Variants in FRMD4A observed in about 807,000 individuals in gnomAD.
FRMD4A encodes FERM domain-containing protein 4A.
FRMD4A carries 29 observed loss-of-function variants against 129.1 expected under a neutral mutation model. That is an observed-to-expected ratio of 0.22 (90% CI 0.17 to 0.31). The LOEUF (loss-of-function observed/expected upper bound fraction) is 0.31. FRMD4A is among the 10% of genes least tolerant of loss of function. The pLI is 1.00. For missense variants in FRMD4A, 1,272 were observed against 1,375.8 expected, an observed-to-expected ratio of 0.92 and a Z score of 1.19; for synonymous variants, 634 against 571.6, an observed-to-expected ratio of 1.11 and a Z score of -1.56.
intron 2 of FRMD4A, among the ~76,000 whole-genome samples, chr10:14,243,831 TA>T (rs11447138): frequency 1.1e-4 from 16 of 148,034 alleles, no homozygotes; most frequent in African/African-American, 3.0e-4. Context: ...TTACCACAAT[TA>T]AAAAAAAAAA....
chr10:14,230,779 CT>C (rs1843612718), intron 2 of FRMD4A, among the ~76,000 whole-genome samples: 1 of 152,172 alleles, frequency 6.6e-6, no homozygotes, highest in Non-Finnish European at 1.5e-5. Context: ...TGTCACCCTC[CT>C]TCCACCTTCC....
chr10:14,313,184 T>C (rs1020182998), intron 2 of FRMD4A, among the ~76,000 whole-genome samples: 2 of 117,712 alleles, frequency 1.7e-5, no homozygotes, highest in African/African-American at 3.2e-5. Context: ...GAGACCTCAT[T>C]TCTACCAAAA....
intron 2 of FRMD4A, among the ~76,000 whole-genome samples, chr10:14,001,816 A>G (rs545610494): frequency 6.6e-5 from 10 of 152,336 alleles, no homozygotes; most frequent in Admixed American, 5.2e-4. Flanking sequence ...AATATGTGTG[A>G]ATACACTGAT....
intron 2 of FRMD4A, among the ~76,000 whole-genome samples, chr10:14,145,465 T>C (rs1021709113): frequency 6.6e-6 from 1 of 152,194 alleles, no homozygotes; most frequent in Non-Finnish European, 1.5e-5. Flanking sequence ...ACCGCATATG[T>C]CCAGAAGATA....
At chr10:13,703,375 A>C (rs1017059896) in intron 13 of FRMD4A, among the ~76,000 whole-genome samples, 5 of 152,192 alleles carry the variant, frequency 3.3e-5, no homozygotes, top group African/African-American at 1.2e-4. Context: ...GAAGCTCAGA[A>C]ATGAAGCTAA....
chr10:14,110,983 A>G (rs1837870275), intron 2 of FRMD4A, among the ~76,000 whole-genome samples: 1 of 152,158 alleles, frequency 6.6e-6, no homozygotes, highest in South Asian at 2.1e-4. Context: ...CATGCTAAAA[A>G]TTTTTAAGAA....
At position 13,889,746 on chromosome 10, in the gene FRMD4A, T is replaced by C. The variant is rs536394533; in HGVS notation, c.46-30834A>G. On this transcript the variant is annotated intron_variant, in intron 2 of 24. Transcript: ENST00000357447. ...TCCTACTAAAACAATTCCCCTTTAA[T>C]GAAAGAATAAGAATTTAATTTTTTC... Among the ~76,000 whole-genome samples, 7 of 152,340 alleles carry C rather than the reference T, an allele frequency of 4.6e-5. No individual in the cohort carries two copies. In the South Asian group the frequency reaches 1.4e-3, roughly 32 times the overall value.
chr10:13,924,158 C>G (rs1736017406), intron 2 of FRMD4A, among the ~76,000 whole-genome samples: 2 of 152,182 alleles, frequency 1.3e-5, no homozygotes, highest in Non-Finnish European at 2.9e-5. Context: ...CTCTGTTGCC[C>G]AATGAGGGAA....
rs894507350 is a variant in FRMD4A at position 14,278,041 on chromosome 10, A to G, written c.45+52017T>C. Among the ~76,000 whole-genome samples the G allele has an allele frequency of 2.0e-5, 3 of 152,158 alleles. No individual in the cohort carries two copies. The East Asian group carries it at 5.8e-4, about 29-fold the overall frequency. On this transcript the variant is annotated intron_variant, in intron 2 of 24. Coordinates refer to ENST00000357447, the MANE Select transcript of FRMD4A (RefSeq NM_018027.5). ...GACATCTGGCCTGAGCTGCCCACCA[A>G]GCTCGCAACACAAGCTCTATCACTT...
intron 2 of FRMD4A, among the ~76,000 whole-genome samples, chr10:13,925,828 C>G (rs1970578): frequency 2.0e-5 from 3 of 149,550 alleles, no homozygotes; most frequent in Non-Finnish European, 3.0e-5. Context: ...CGTGATCTGC[C>G]CACCTCGGCC....
intron 2 of FRMD4A, among the ~76,000 whole-genome samples, chr10:14,073,297 G>A (rs1371906194): frequency 6.6e-6 from 1 of 152,160 alleles, no homozygotes; most frequent in Admixed American, 6.5e-5. Context: ...TGGAGCTGAA[G>A]GGAGGGCTAC....
intron 2 of FRMD4A, among the ~76,000 whole-genome samples, chr10:14,224,573 G>GA (rs199692418): frequency 4.6e-5 from 7 of 152,212 alleles, no homozygotes; most frequent in South Asian, 2.1e-4. Context: ...ATTAAATTTT[G>GA]ATTTTTTTTT....
At chr10:13,998,645 A>AG (rs1466995238) in intron 2 of FRMD4A, among the ~76,000 whole-genome samples, 1 of 152,156 alleles carries the variant, frequency 6.6e-6, no homozygotes, top group Non-Finnish European at 1.5e-5. Flanking sequence ...ACAGCTGCTC[A>AG]GGGGGCCGTT....
In FRMD4A at chr10:13,700,820, CTTTTTTT is replaced by C. The variant is rs71503097; in HGVS notation, c.975+513_975+519del. Among the ~76,000 whole-genome samples, 371 of 44,732 alleles carry C rather than the reference CTTTTTTT, an allele frequency of 8.3e-3. 1 individual carries two copies. The highest frequency in any genetic ancestry group is 0.029 in the African/African-American group (336 of 11,606). The allele number at this position is 44,732 out of a possible 152,430, so 29.3% of individuals were successfully genotyped here. The stretch of plus-strand genomic sequence containing the variant: ...CTACCTTAGGGAAACAGGGTAGTTG[CTTTTTTT>C]TTTTTTTTTTTTTTTTTTAACGTTT... On this transcript the variant is annotated intron_variant, in intron 14 of 24. Coordinates refer to ENST00000357447, the MANE Select transcript of FRMD4A (RefSeq NM_018027.5).
At chr10:14,177,633 C>T (rs182406647) in intron 2 of FRMD4A, among the ~76,000 whole-genome samples, 2 of 152,310 alleles carry the variant, frequency 1.3e-5, no homozygotes, top group African/African-American at 4.8e-5. Flanking sequence ...AGAGGGGGGA[C>T]TATGCCAAGG....
intron 2 of FRMD4A, among the ~76,000 whole-genome samples, chr10:14,093,897 C>T (rs1836794898): frequency 6.6e-6 from 1 of 152,210 alleles, no homozygotes; most frequent in South Asian, 2.1e-4. Flanking sequence ...TCACTGTTCA[C>T]TGCCACCTAG....
intron 2 of FRMD4A, among the ~76,000 whole-genome samples, chr10:14,143,861 A>T (rs1387055341): frequency 6.6e-6 from 1 of 152,114 alleles, no homozygotes; most frequent in Non-Finnish European, 1.5e-5. Context: ...TGTGTGCCTC[A>T]GCCTCCCAAA....
At chr10:13,949,186 A>G (rs1309691871) in intron 2 of FRMD4A, among the ~76,000 whole-genome samples, 1 of 151,816 alleles carries the variant, frequency 6.6e-6, no homozygotes, top group South Asian at 2.1e-4. Context: ...CACTTTCAAG[A>G]TCGATAAACT....
intron 4 of FRMD4A, among the ~76,000 whole-genome samples, chr10:13,801,100 A>G (rs2093244138): frequency 6.6e-6 from 1 of 152,116 alleles, no homozygotes; most frequent in Non-Finnish European, 1.5e-5. Context: ...TACAAAAACT[A>G]GCCAGGTGTG....
Sources: allele counts gnomAD v4.1 joint callset (sites outside exome capture counted in the v4.1 genomes callset), GRCh38; gene constraint gnomAD v4.1.1; transcripts MANE v1.5; gene names NCBI Gene and HGNC (gene_info 2026-07-23, HGNC 2026-07-21).